The following ABLIM3 variants were observed in gnomAD, a reference collection of about 807,000 sequenced individuals.
The protein encoded by ABLIM3 is actin-binding LIM protein 3.
ABLIM3 carries 61 observed loss-of-function variants against 109.5 expected under a neutral mutation model. The observed-to-expected ratio is 0.56, with a 90% CI of 0.45 to 0.69. ABLIM3 has a LOEUF of 0.69. Ranked by LOEUF, ABLIM3 falls within the 30% of genes least tolerant of loss-of-function variation. The pLI is 0.00. For missense variants in ABLIM3, 796 were observed against 889.5 expected (o/e 0.89, Z 1.34); for synonymous variants, 300 against 324.8 (o/e 0.92, Z 0.82).
Position 149,210,830 on chromosome 5 carries a change from A to G in ABLIM3, c.669+11A>G. ...GGCAGAGTCTTGGAGGTGAGTGGGT[A>G]TAAGTAACCGTGAAGATGTGGCAGG... On this transcript the variant is annotated intron_variant, in intron 7 of 23. Coordinates refer to ENST00000309868, the MANE Select transcript of ABLIM3 (RefSeq NM_014945.5). 1.2e-6 allele frequency: 2 copies of G among 1,612,782 alleles called. No individual in the cohort carries two copies. The highest frequency in any genetic ancestry group is 8.5e-7 in the Non-Finnish European group (1 of 1,178,786).
At chr5:149,187,376 C>A (rs746591954) in intron 3 of ABLIM3, among the ~76,000 whole-genome samples, 4 of 152,132 alleles carry the variant, frequency 2.6e-5, no homozygotes, top group Non-Finnish European at 5.9e-5. Flanking sequence ...TGGTAAATGG[C>A]CAGACAACTG....
intron 8 of ABLIM3, 110 bp from the exon 9 acceptor site, chr5:149,230,539 C>A (rs1761746764): frequency 1.7e-6 from 2 of 1,170,048 alleles, no homozygotes; most frequent in South Asian, 1.2e-5. Flanking sequence ...GCCCTTCTGG[C>A]AGATGTGTAA....
rs1432046791 is a variant in ABLIM3, at chr5:149,229,218, C to CA, written c.758-1430dup. ...TGATTGCTGGATCAAGCCACAGACT[C>CA]AGAGTCCCTCTACTGGGCTCTGAGA... On this transcript the variant is annotated intron_variant, in intron 8 of 23. Transcript: ENST00000309868. Among the ~76,000 whole-genome samples the CA allele has an allele frequency of 2.0e-5, 3 of 152,226 alleles. No individual in the cohort carries two copies. The East Asian group carries it at 5.8e-4, about 29-fold the overall frequency.
intron 18 of ABLIM3, 109 bp from the exon 19 acceptor site, chr5:149,249,706 C>A (rs1436284558): frequency 2.2e-6 from 3 of 1,374,200 alleles, no homozygotes; most frequent in African/African-American, 2.9e-5. Flanking sequence ...TTTTCCCAGC[C>A]AGCCAGGGGG....
rs748295015 is a variant in ABLIM3 at position 149,249,850 on chromosome 5, T to A, written c.1729+6T>A. The A allele has an allele frequency of 9.9e-6, 16 of 1,614,074 alleles. No homozygotes were observed. The highest frequency in any genetic ancestry group is 1.7e-5 in the Admixed American group (1 of 60,010). On this transcript the variant is annotated splice_donor_region_variant and intron_variant, in intron 19 of 23. Coordinates refer to ENST00000309868, the MANE Select transcript of ABLIM3 (RefSeq NM_014945.5). ...GCACTACCTGGCTGACAGTGGTAAG[T>A]TCTACCTGCCCTACCTTCAGCCCAT...
intron 4 of ABLIM3, among the ~76,000 whole-genome samples, chr5:149,199,406 G>A (rs146807682): frequency 9.6e-4 from 146 of 152,196 alleles, no homozygotes; most frequent in Non-Finnish European, 1.4e-3. Context: ...TAATCCCCTC[G>A]TGGAATTCAT....
At position 149,259,685 on chromosome 5, in the gene ABLIM3, TCTC is replaced by T. The variant is rs2127581651; in HGVS notation, c.*1285_*1287del. On this transcript the variant is annotated 3_prime_UTR_variant, in exon 24 of 24. Transcript: ENST00000309868. ...ACAGGGGAGAAAGCTTAACCTCTCT[TCTC>T]CTCTCCAAACCTTTCACCTTGAATG... 2 of 1,251,632 alleles carry T rather than the reference TCTC, an allele frequency of 1.6e-6. No homozygotes were observed. Among genetic ancestry groups the T allele is most frequent in the African/African-American group, 1.5e-5 (1 of 67,418 alleles). The allele number at this position is 1,251,632 out of a possible 1,614,324, so 77.5% of individuals were successfully genotyped here. A position where few individuals can be genotyped will look rare whatever the true frequency, so the allele number is the denominator to read the frequency against.
In ABLIM3 at chr5:149,252,757, A is replaced by G; in HGVS notation, c.1858A>G (p.Ile620Val). Residue 620 changes from isoleucine to valine, a missense_variant and splice_region_variant, in exon 23 of 24, where the codon ATC becomes GTC. By Grantham distance (29) the Ile-to-Val change is conservative (BLOSUM62 3). Transcript: ENST00000309868. ...GGAGACCACCCCCCTTTCTCCTTAG[A>G]TCTACCCTTATGAACTGCTGCTGGT... The part of the protein sequence containing the change: ...AVNWGMREYK[I>V]YPYELLLVTT... The G allele has an allele frequency of 6.2e-7, 1 of 1,612,974 alleles. No individual in the cohort carries two copies. The highest frequency in any genetic ancestry group is 8.5e-7 in the Non-Finnish European group (1 of 1,179,210).
chr5:149,160,042 A>G (rs927332522), intron 2 of ABLIM3, among the ~76,000 whole-genome samples: 1 of 152,104 alleles, frequency 6.6e-6, no homozygotes, highest in Admixed American at 6.5e-5. Flanking sequence ...CACTTTGTAA[A>G]TATCTGTTTA....
rs187338786 is a variant in ABLIM3 at position 149,241,333 on chromosome 5, G to A, written c.1303+559G>A. Among the ~76,000 whole-genome samples, 4 of 152,304 alleles carry A rather than the reference G, an allele frequency of 2.6e-5. No homozygotes were observed. The East Asian group carries it at 7.7e-4, about 29-fold the overall frequency. ...AAAATGAGTAAACAAATAGGTAGAG[G>A]ATAATTTCAGGTAGCCATAGGTGCC... is the stretch of plus-strand genomic sequence containing the variant. On this transcript the variant is annotated intron_variant, in intron 14 of 23. Coordinates refer to ENST00000309868, the MANE Select transcript of ABLIM3 (RefSeq NM_014945.5).
chr5:149,216,859 C>T, intron 7 of ABLIM3, 100 bp from the exon 8 acceptor site: 1 of 1,070,752 alleles, frequency 9.3e-7, no homozygotes. Flanking sequence ...CATGAAGATG[C>T]AAACAACACT....
chr5:149,192,631 A>C (rs1757593085), intron 3 of ABLIM3, among the ~76,000 whole-genome samples: 1 of 146,054 alleles, frequency 6.8e-6, no homozygotes, highest in Non-Finnish European at 1.5e-5. Flanking sequence ...TCTCAAAAAA[A>C]AAAAAGAAAA....
chr5:149,186,444 T>C (rs1298439317), intron 3 of ABLIM3, among the ~76,000 whole-genome samples: 6 of 152,126 alleles, frequency 3.9e-5, no homozygotes, highest in African/African-American at 1.4e-4. Flanking sequence ...AAATTACTTA[T>C]GAAAATATCT....
chr5:149,259,223 G>A lies in ABLIM3; in HGVS notation c.*819G>A, dbSNP rs1368412352. The A allele has an allele frequency of 1.7e-6, 2 of 1,171,150 alleles. No homozygotes were observed. The highest frequency in any genetic ancestry group is 2.1e-6 in the Non-Finnish European group (2 of 945,474). 72.5% of individuals were successfully genotyped at this position (1,171,150 alleles called of 1,614,324 possible). ...AGAATCAGAGCTGCAGGATTTCTTG[G>A]GACCCTCCTCTCTCCCTCACTGCTC... On this transcript the variant is annotated 3_prime_UTR_variant, in exon 24 of 24. Transcript: ENST00000309868.
chr5:149,177,605 G>A (rs1051433943), intron 2 of ABLIM3, among the ~76,000 whole-genome samples: 1 of 152,206 alleles, frequency 6.6e-6, no homozygotes, highest in African/African-American at 2.4e-5. Context: ...GGAGAAAGAA[G>A]AGGTTGCTTA....
intron 10 of ABLIM3, among the ~76,000 whole-genome samples, chr5:149,236,480 A>G (rs778461455): frequency 3.9e-5 from 6 of 152,064 alleles, no homozygotes; most frequent in Non-Finnish European, 8.8e-5. Flanking sequence ...GATCATAGCA[A>G]ACACCAGGTC....
intron 12 of ABLIM3, 73 bp downstream of exon 12, chr5:149,239,350 C>G: frequency 6.5e-7 from 1 of 1,529,240 alleles, no homozygotes; most frequent in Non-Finnish European, 9.1e-7. Context: ...CATCCCCAGC[C>G]CCCCGAAGGT....
intron 18 of ABLIM3, among the ~76,000 whole-genome samples, chr5:149,248,930 T>A (rs1030906714): frequency 1.5e-4 from 22 of 151,718 alleles, no homozygotes; most frequent in Admixed American, 7.9e-4. Flanking sequence ...CTTACTCCTG[T>A]GAGATGCAGT....
chr5:149,212,561 G>GACTCA lies in ABLIM3; in HGVS notation c.669+1743_669+1744insCTCAA, dbSNP rs1327387307. Among the ~76,000 whole-genome samples the GACTCA allele has an allele frequency of 3.3e-5, 5 of 152,316 alleles. No homozygotes were observed. In the East Asian group the frequency reaches 9.6e-4, roughly 29 times the overall value. The stretch of plus-strand genomic sequence containing the variant: ...GGACTCAAGAGGTACAGTAGCAATG[G>GACTCA]AGAGGGAAGCCACCCTTGTGCCCAG... On this transcript the variant is annotated intron_variant, in intron 7 of 23. Transcript: ENST00000309868.
Sources: allele counts gnomAD v4.1 joint callset (sites outside exome capture counted in the v4.1 genomes callset), GRCh38; gene constraint gnomAD v4.1.1; transcripts MANE v1.5; gene names NCBI Gene and HGNC (gene_info 2026-07-23, HGNC 2026-07-21).